The following DMD variants were observed in gnomAD, a reference collection of about 807,000 sequenced individuals.
The protein encoded by DMD is dystrophin.
DMD carries 63 observed loss-of-function variants against 330.1 expected under a neutral mutation model. That is an observed-to-expected ratio of 0.19 (90% CI 0.16 to 0.24). The LOEUF (loss-of-function observed/expected upper bound fraction) is 0.24. Among genes scored for constraint, DMD ranks in the 10% least tolerant of loss-of-function variants. The probability of loss-of-function intolerance (pLI) is 1.00; values close to 1 mark genes in which losing one functional copy is unlikely to be tolerated. For missense variants in DMD, 3,344 were observed against 2,684.1 expected, an observed-to-expected ratio of 1.25 and a Z score of -5.43; for synonymous variants, 1,223 against 959.8, an observed-to-expected ratio of 1.27 and a Z score of -5.07.
At chrX:32,261,942 C>T (rs2097325262) in intron 43 of DMD, among the ~76,000 whole-genome samples, 1 of 111,479 alleles carries the variant, frequency 9.0e-6, no homozygotes, top group Non-Finnish European at 1.9e-5. Flanking sequence ...AAAATTTAAA[C>T]ATTGTGAATA....
chrX:32,130,388 TTATA>T (rs769215571), intron 44 of DMD, among the ~76,000 whole-genome samples: 1 of 109,925 alleles, frequency 9.1e-6, no homozygotes, highest in Admixed American at 9.7e-5. Flanking sequence ...ACACTGAGTT[TTATA>T]TATATATATA....
At chrX:33,106,586 A>G (rs2095289935) in intron 1 of DMD, among the ~76,000 whole-genome samples, 1 of 112,186 alleles carries the variant, frequency 8.9e-6, no homozygotes, top group African/African-American at 3.2e-5. Context: ...AAGCCAAAAC[A>G]TAAACATTCA....
chrX:31,205,726 T>C (rs1013114919), intron 66 of DMD, among the ~76,000 whole-genome samples: 2 of 112,794 alleles, frequency 1.8e-5, no homozygotes, highest in Admixed American at 1.9e-4. Context: ...TTGTGTATTT[T>C]GTGGCTTACT....
intron 7 of DMD, among the ~76,000 whole-genome samples, chrX:32,741,325 C>A (rs979109256): frequency 4.5e-5 from 5 of 111,499 alleles, no homozygotes; most frequent in African/African-American, 1.6e-4. Flanking sequence ...TAAACATGTA[C>A]AATTAGCCTC....
intron 62 of DMD, among the ~76,000 whole-genome samples, chrX:31,311,753 T>A (rs143061692): frequency 0.012 from 1,297 of 111,700 alleles, 20 homozygotes; most frequent in African/African-American, 0.039. Context: ...ATAACCATTT[T>A]CACGATATTG....
intron 63 of DMD, among the ~76,000 whole-genome samples, chrX:31,256,731 A>G (rs1413073353): frequency 2.1e-5 from 2 of 94,451 alleles, no homozygotes; most frequent in South Asian, 5.1e-4. Context: ...TTATCTACAT[A>G]TATGTGGGGC....
chrX:31,346,345 T>C (rs1569529929), intron 61 of DMD, among the ~76,000 whole-genome samples: 2 of 111,026 alleles, frequency 1.8e-5, no homozygotes, highest in East Asian at 5.7e-4. Flanking sequence ...AGTTAAAATC[T>C]GTAACATTTC....
intron 11 of DMD, among the ~76,000 whole-genome samples, chrX:32,614,876 G>A (rs1010571776): frequency 1.9e-5 from 2 of 103,983 alleles, no homozygotes; most frequent in African/African-American, 6.9e-5. Context: ...CTGGACTTGT[G>A]TTTTTTTTTT....
chrX:31,703,335 G>A (rs1883180559), intron 52 of DMD, among the ~76,000 whole-genome samples: 2 of 112,218 alleles, frequency 1.8e-5, no homozygotes, highest in South Asian at 7.4e-4. Flanking sequence ...AGGAGCCCTA[G>A]GTATGTACAA....
chrX:32,224,632 T>C (rs898853773), intron 43 of DMD, among the ~76,000 whole-genome samples: 5 of 111,877 alleles, frequency 4.5e-5, no homozygotes, highest in Admixed American at 1.9e-4. Context: ...TGATATAAAA[T>C]GATAGTCTCC....
chrX:33,052,811 G>A (rs1210180654), intron 1 of DMD, among the ~76,000 whole-genome samples: 1 of 111,212 alleles, frequency 9.0e-6, no homozygotes, highest in Non-Finnish European at 1.9e-5. Flanking sequence ...ATAACTAAGA[G>A]TATAACTGGA....
Position 31,922,746 on chromosome X carries a change from A to G in DMD, c.6912+6850T>C, listed in dbSNP as rs750131487. Among the ~76,000 whole-genome samples, 174 of 111,739 alleles carry G rather than the reference A, an allele frequency of 1.6e-3. 2 individuals are homozygous for G. The highest frequency in any genetic ancestry group is 5.2e-3 in the African/African-American group (161 of 30,743). Reference sequence around the variant, plus strand: ...TGTTACGATTTGAGAGTAGAGAAAAAACACGGTTAGAAAGAATTTTCCATA... The same window carrying G: ...TGTTACGATTTGAGAGTAGAGAAAAGACACGGTTAGAAAGAATTTTCCATA... On this transcript the variant is annotated intron_variant, in intron 47 of 78. Coordinates refer to ENST00000357033, the MANE Select transcript of DMD (RefSeq NM_004006.3).
chrX:31,375,243 C>G (rs1332911501), intron 60 of DMD, among the ~76,000 whole-genome samples: 2 of 111,909 alleles, frequency 1.8e-5, no homozygotes, highest in Non-Finnish European at 3.8e-5. Flanking sequence ...TCTGAAAGGC[C>G]AAACCTACTC....
intron 9 of DMD, among the ~76,000 whole-genome samples, chrX:32,647,308 T>C (rs2059845143): frequency 8.9e-6 from 1 of 111,983 alleles, no homozygotes; most frequent in African/African-American, 3.2e-5. Flanking sequence ...GCATTTTCAA[T>C]GCCCTAGAAG....
intron 43 of DMD, among the ~76,000 whole-genome samples, chrX:32,244,788 G>C (rs1202837503): frequency 0.014 from 999 of 73,995 alleles, 26 homozygotes; most frequent in Non-Finnish European, 0.019. Context: ...CATGTCCTTC[G>C]CTCACTTTTT....
intron 2 of DMD, among the ~76,000 whole-genome samples, chrX:33,007,088 T>C (rs1161801472): frequency 9.0e-6 from 1 of 110,805 alleles, no homozygotes; most frequent in African/African-American, 3.3e-5. Flanking sequence ...CTAACTCATC[T>C]CTCTACTTCT....
At chrX:32,294,846 T>A (rs1382111732) in intron 42 of DMD, among the ~76,000 whole-genome samples, 2 of 111,413 alleles carry the variant, frequency 1.8e-5, no homozygotes, top group Non-Finnish European at 3.8e-5. Context: ...AAGTCAGAGA[T>A]GAGATCTCTG....
intron 7 of DMD, among the ~76,000 whole-genome samples, chrX:32,752,504 C>CT (rs2070956285): frequency 9.3e-6 from 1 of 107,084 alleles, no homozygotes; most frequent in Non-Finnish European, 1.9e-5. Context: ...AACTAATCTG[C>CT]TTTTGATTTT....
At chrX:32,375,159 T>A (rs959721721) in intron 34 of DMD, among the ~76,000 whole-genome samples, 3 of 111,242 alleles carry the variant, frequency 2.7e-5, no homozygotes, top group African/African-American at 9.8e-5. Context: ...CGCTATTCAT[T>A]CCCTTGACTC....
Sources: allele counts gnomAD v4.1 joint callset (sites outside exome capture counted in the v4.1 genomes callset), GRCh38; gene constraint gnomAD v4.1.1; transcripts MANE v1.5; gene names NCBI Gene and HGNC (gene_info 2026-07-23, HGNC 2026-07-21).